Variants in SLC3A1 observed in about 807,000 individuals in gnomAD.
SLC3A1 encodes amino acid transporter heavy chain SLC3A1.
In SLC3A1, 78 loss-of-function variants were observed where a neutral mutation model predicts 60.3. The ratio of observed to expected loss-of-function variants is 1.29; its 90% CI spans 1.08 to 1.56. SLC3A1 has a LOEUF of 1.56. Ranked by LOEUF, SLC3A1 falls within the 40% of genes most tolerant of loss-of-function variation. SLC3A1 has a pLI of 0.00. For synonymous variants in SLC3A1, 392 were observed against 307.9 expected, an observed-to-expected ratio of 1.27 and a Z score of -2.86; for missense variants, 1,172 against 858.9, an observed-to-expected ratio of 1.36 and a Z score of -4.56.
At chr2:44,293,100 A>C (rs1411842515) in intron 4 of SLC3A1, among the ~76,000 whole-genome samples, 11 of 152,012 alleles carry the variant, frequency 7.2e-5, no homozygotes, top group Non-Finnish European at 1.6e-4. Flanking sequence ...TTCAGATTTG[A>C]ATATGGGGTG....
intron 7 of SLC3A1, among the ~76,000 whole-genome samples, chr2:44,309,879 T>A (rs1420631708): frequency 6.6e-6 from 1 of 152,086 alleles, no homozygotes; most frequent in African/African-American, 2.4e-5. Flanking sequence ...ATTACAGGCA[T>A]AAGCCACTGT....
chr2:44,279,725 T>A (rs1416228228), intron 1 of SLC3A1, among the ~76,000 whole-genome samples: 1 of 152,182 alleles, frequency 6.6e-6, no homozygotes, highest in Non-Finnish European at 1.5e-5. Context: ...TATATACATA[T>A]TGTTATTTTT....
At chr2:44,281,298 A>C (rs1414482231) in intron 2 of SLC3A1, 89 bp from the exon 3 acceptor site, 38 of 1,152,446 alleles carry the variant, frequency 3.3e-5, no homozygotes, top group Non-Finnish European at 4.9e-5. Context: ...TATTGGGGTT[A>C]CAGGCGTTAG....
intron 4 of SLC3A1, among the ~76,000 whole-genome samples, chr2:44,297,461 T>A (rs1419250361): frequency 6.6e-6 from 1 of 152,120 alleles, no homozygotes; most frequent in African/African-American, 2.4e-5. Context: ...GTCATCTAGG[T>A]CAAGTTCAAG....
intron 1 of SLC3A1, among the ~76,000 whole-genome samples, chr2:44,277,877 T>C (rs1410801320): frequency 1.3e-5 from 2 of 152,182 alleles, no homozygotes; most frequent in African/African-American, 2.4e-5. Flanking sequence ...GTCTTTGAGG[T>C]TGAAGGGATT....
At chr2:44,311,176 A>C (rs2104381805) in intron 7 of SLC3A1, among the ~76,000 whole-genome samples, 1 of 152,166 alleles carries the variant, frequency 6.6e-6, no homozygotes, top group South Asian at 2.1e-4. Flanking sequence ...TGCTAGTTCA[A>C]ATTTGTCAAG....
intron 3 of SLC3A1, among the ~76,000 whole-genome samples, chr2:44,284,438 A>C (rs1367976763): frequency 6.6e-6 from 1 of 152,230 alleles, no homozygotes. Context: ...TCGCATGCTC[A>C]GCTCTACAGG....
intron 9 of SLC3A1, chr2:44,318,316 T>G (rs779685394): frequency 8.9e-6 from 2 of 225,396 alleles, no homozygotes; most frequent in Non-Finnish European, 1.8e-5. Flanking sequence ...GGTCTTGAAC[T>G]CCTGACCTCT....
At chr2:44,305,995 T>C (rs979904231) in intron 7 of SLC3A1, among the ~76,000 whole-genome samples, 4 of 152,176 alleles carry the variant, frequency 2.6e-5, no homozygotes, top group Non-Finnish European at 5.9e-5. Flanking sequence ...GACAGTTCAC[T>C]GGTTAAGGGC....
chr2:44,321,936 G>A (rs771080104), downstream of SLC3A1: 2 of 1,584,038 alleles, frequency 1.3e-6, no homozygotes, highest in South Asian at 1.1e-5. Context: ...TTAGAAGATT[G>A]TATGGGATCT....
At chr2:44,281,177 C>T (rs78025048) in intron 2 of SLC3A1, among the ~76,000 whole-genome samples, 1 of 98,488 alleles carries the variant, frequency 1.0e-5, no homozygotes, top group South Asian at 3.6e-4. Context: ...TTTTTTTTTC[C>T]AGGCAGGGTC....
At chr2:44,293,634 TGA>T (rs537456998) in intron 4 of SLC3A1, among the ~76,000 whole-genome samples, 43 of 152,112 alleles carry the variant, frequency 2.8e-4, no homozygotes, top group South Asian at 1.9e-3. Flanking sequence ...AGGTGTTTGG[TGA>T]GAGAAGCAGG....
chr2:44,290,810 T>C (rs1416024223), intron 4 of SLC3A1, among the ~76,000 whole-genome samples: 1 of 151,118 alleles, frequency 6.6e-6, no homozygotes, highest in Admixed American at 6.6e-5. Flanking sequence ...GGTTGTGGGG[T>C]TGTGGGGTGG....
chr2:44,310,412 G>T (rs538529629), intron 7 of SLC3A1, among the ~76,000 whole-genome samples: 100 of 152,080 alleles, frequency 6.6e-4, no homozygotes, highest in Non-Finnish European at 1.2e-3. Flanking sequence ...GCTGGATATA[G>T]AAATCTTGGT....
At chr2:44,294,951 C>T (rs1326095982) in intron 4 of SLC3A1, among the ~76,000 whole-genome samples, 1 of 151,808 alleles carries the variant, frequency 6.6e-6, no homozygotes, top group East Asian at 1.9e-4. Context: ...ACTTTGTTGC[C>T]CAGGCTGGTC....
intron 6 of SLC3A1, among the ~76,000 whole-genome samples, chr2:44,303,468 C>G (rs1157474039): frequency 1.3e-5 from 2 of 151,844 alleles, no homozygotes; most frequent in Admixed American, 6.6e-5. Context: ...AACTCCTGAC[C>G]TCAAGTTATC....
In SLC3A1 at chr2:44,298,852, AGAG is replaced by A. The variant is rs145173675; in HGVS notation, c.892-1115_892-1113del. On this transcript the variant is annotated intron_variant, in intron 4 of 9. Coordinates refer to ENST00000260649, the MANE Select transcript of SLC3A1 (RefSeq NM_000341.4). ...AGGTGTGTTGGAAGAGTAGGGCAGGAGAGGAGAGTGAGCCAGGGGCAGTCATAC... is the reference window on the plus strand; with the variant it reads ...AGGTGTGTTGGAAGAGTAGGGCAGGAGAGAGTGAGCCAGGGGCAGTCATAC... Among the ~76,000 whole-genome samples, 1,352 of 152,226 alleles carry A rather than the reference AGAG, an allele frequency of 8.9e-3. 17 individuals carry two copies. The highest frequency in any genetic ancestry group is 0.01 in the Non-Finnish European group (711 of 68,016).
At chr2:44,298,179 C>T (rs1374720988) in intron 4 of SLC3A1, among the ~76,000 whole-genome samples, 1 of 74,440 alleles carries the variant, frequency 1.3e-5, no homozygotes, top group South Asian at 3.5e-4. Context: ...CTTCATACAT[C>T]AGATCTTTAA....
At chr2:44,315,825 C>T (rs1672424493) in intron 9 of SLC3A1, among the ~76,000 whole-genome samples, 1 of 152,074 alleles carries the variant, frequency 6.6e-6, no homozygotes, top group African/African-American at 2.4e-5. Flanking sequence ...TGATCACATG[C>T]ATGGCAGAAT....
Sources: allele counts gnomAD v4.1 joint callset (sites outside exome capture counted in the v4.1 genomes callset), GRCh38; gene constraint gnomAD v4.1.1; transcripts MANE v1.5; gene names NCBI Gene and HGNC (gene_info 2026-07-23, HGNC 2026-07-21).